Variants in THSD7B observed in about 807,000 individuals in gnomAD.
THSD7B encodes thrombospondin type-1 domain-containing protein 7B.
In THSD7B, 138 loss-of-function variants were observed where a neutral mutation model predicts 213.6. The ratio of observed to expected loss-of-function variants is 0.65; its 90% CI spans 0.56 to 0.74. The LOEUF (loss-of-function observed/expected upper bound fraction) is 0.74, where lower values mean the gene tolerates loss of function less well. THSD7B is among the 30% of genes least tolerant of loss of function. The pLI is 0.00. For synonymous variants in THSD7B, 742 were observed against 687.0 expected, an observed-to-expected ratio of 1.08 and a Z score of -1.25; for missense variants, 1,931 against 1,991.5, an observed-to-expected ratio of 0.97 and a Z score of 0.58.
chr2:137,447,953 A>T (rs1687573665), intron 14 of THSD7B, among the ~76,000 whole-genome samples: 1 of 152,190 alleles, frequency 6.6e-6, no homozygotes. Flanking sequence ...AAAAAATATG[A>T]GAATGCATAC....
intron 2 of THSD7B, among the ~76,000 whole-genome samples, chr2:136,982,720 A>G (rs187571383): frequency 6.6e-6 from 1 of 152,238 alleles, no homozygotes; most frequent in East Asian, 1.9e-4. Context: ...AAACAACTCT[A>G]AGATACTTTT....
chr2:137,031,831 CT>C (rs542117596), intron 2 of THSD7B, among the ~76,000 whole-genome samples: 2,317 of 137,076 alleles, frequency 0.017, 31 homozygotes, highest in African/African-American at 0.053. Context: ...CTTTTCTTTC[CT>C]TTTTTTTTTT....
chr2:137,108,981 G>T (rs552557156), intron 4 of THSD7B, among the ~76,000 whole-genome samples: 6 of 152,010 alleles, frequency 3.9e-5, no homozygotes, highest in African/African-American at 1.4e-4. Context: ...CTAATACGTG[G>T]GTCAAAAACA....
At chr2:137,595,095 C>G (rs909519647) in intron 17 of THSD7B, among the ~76,000 whole-genome samples, 4 of 151,942 alleles carry the variant, frequency 2.6e-5, no homozygotes, top group Non-Finnish European at 2.9e-5. Context: ...TAAAAGTACT[C>G]TTTTTCTGTG....
chr2:137,171,505 G>A (rs1334243274), intron 7 of THSD7B, among the ~76,000 whole-genome samples: 1 of 152,126 alleles, frequency 6.6e-6, no homozygotes, highest in Non-Finnish European at 1.5e-5. Context: ...TCCTCAATCA[G>A]CAAGCACCTG....
chr2:137,121,721 C>T (rs10189518), intron 5 of THSD7B, among the ~76,000 whole-genome samples: 1 of 152,176 alleles, frequency 6.6e-6, no homozygotes, highest in Non-Finnish European at 1.5e-5. Context: ...TGACATTCTT[C>T]TTTGTATTCC....
At position 137,131,069 on chromosome 2, in the gene THSD7B, T is replaced by A. The variant is rs996380764; in HGVS notation, c.1369+15776T>A. Among the ~76,000 whole-genome samples, 74 of 136,908 alleles carry A rather than the reference T, an allele frequency of 5.4e-4. 1 individual carries two copies. Among genetic ancestry groups the A allele is most frequent in the Middle Eastern group, 3.6e-3 (1 of 278 alleles). The allele number at this position is 136,908 out of a possible 152,430, so 89.8% of individuals were successfully genotyped here. ...TTTCCTGACTTTTTAATGATCGCCA[T>A]TCTAACTGATGTGAGATGGTATCTC... is the stretch of plus-strand genomic sequence containing the variant. On this transcript the variant is annotated intron_variant, in intron 5 of 27. Coordinates refer to ENST00000409968, the MANE Select transcript of THSD7B (RefSeq NM_001316349.2).
chr2:137,074,094 A>G (rs1039914294), intron 3 of THSD7B, among the ~76,000 whole-genome samples: 1 of 151,026 alleles, frequency 6.6e-6, no homozygotes, highest in Non-Finnish European at 1.5e-5. Flanking sequence ...GTAAATGTCT[A>G]TTAGGTCCGC....
chr2:137,511,450 C>T (rs1023218192), intron 15 of THSD7B, among the ~76,000 whole-genome samples: 1 of 152,190 alleles, frequency 6.6e-6, no homozygotes, highest in African/African-American at 2.4e-5. Flanking sequence ...CAGGTCCCCC[C>T]TGCAACCAAA....
intron 14 of THSD7B, among the ~76,000 whole-genome samples, chr2:137,429,789 G>A (rs552233161): frequency 6.6e-6 from 1 of 152,304 alleles, no homozygotes; most frequent in Non-Finnish European, 1.5e-5. Flanking sequence ...TAGAAATGTG[G>A]ATTGGAGTTA....
chr2:137,380,508 G>A (rs1444170492), intron 12 of THSD7B, among the ~76,000 whole-genome samples: 4 of 152,244 alleles, frequency 2.6e-5, no homozygotes, highest in Admixed American at 2.0e-4. Flanking sequence ...GCAATAGTTG[G>A]ATGAATGGAA....
intron 3 of THSD7B, among the ~76,000 whole-genome samples, chr2:137,076,817 GT>G (rs922361267): frequency 1.1e-4 from 17 of 151,074 alleles, no homozygotes; most frequent in South Asian, 2.1e-4. Context: ...TTGTTTATTT[GT>G]TTTTTTTTAA....
intron 15 of THSD7B, among the ~76,000 whole-genome samples, chr2:137,503,373 C>G (rs1407862111): frequency 6.6e-6 from 1 of 152,146 alleles, no homozygotes; most frequent in Non-Finnish European, 1.5e-5. Context: ...GCCCTAGACC[C>G]TGGTCTTGGT....
chr2:137,354,951 GT>G (rs1685096194), intron 12 of THSD7B, among the ~76,000 whole-genome samples: 1 of 151,994 alleles, frequency 6.6e-6, no homozygotes, highest in African/African-American at 2.4e-5. Flanking sequence ...GGAAATAACT[GT>G]TAAATAAAAA....
intron 12 of THSD7B, among the ~76,000 whole-genome samples, chr2:137,357,682 C>G (rs977075254): frequency 6.6e-6 from 1 of 152,174 alleles, no homozygotes; most frequent in African/African-American, 2.4e-5. Flanking sequence ...TAACTTGTCT[C>G]TCTCTTTTGA....
intron 12 of THSD7B, among the ~76,000 whole-genome samples, chr2:137,309,404 G>A (rs1463091173): frequency 3.3e-5 from 5 of 151,194 alleles, no homozygotes; most frequent in African/African-American, 1.2e-4. Flanking sequence ...TTGCAAATAT[G>A]CTCCCAGTTT....
intron 17 of THSD7B, among the ~76,000 whole-genome samples, chr2:137,603,911 G>A (rs1338096203): frequency 6.6e-6 from 1 of 152,146 alleles, no homozygotes; most frequent in African/African-American, 2.4e-5. Flanking sequence ...AGGAGTTCAA[G>A]AGTAGCCTGG....
At chr2:136,811,189 C>A (rs1682369276) in intron 1 of THSD7B, among the ~76,000 whole-genome samples, 1 of 152,142 alleles carries the variant, frequency 6.6e-6, no homozygotes, top group Non-Finnish European at 1.5e-5. Context: ...CAGATCTGGC[C>A]TGGACTCCGG....
chr2:137,209,252 A>G (rs1354247282), intron 7 of THSD7B, among the ~76,000 whole-genome samples: 2 of 152,018 alleles, frequency 1.3e-5, no homozygotes, highest in Non-Finnish European at 2.9e-5. Flanking sequence ...GATCAAATAG[A>G]ATATTTGCTT....
Sources: gnomAD v4.1 joint callset for allele counts (sites outside exome capture counted in the v4.1 genomes callset) on GRCh38, gnomAD v4.1.1 for gene constraint, MANE v1.5 for transcripts, NCBI Gene and HGNC (gene_info 2026-07-23, HGNC 2026-07-21) for gene names.